The following FGF13 variants were observed in gnomAD, a reference collection of about 807,000 sequenced individuals.
The protein encoded by FGF13 is fibroblast growth factor 13, also known as fibroblast growth factor homologous factor 2.
In FGF13, 2 loss-of-function variants were observed where a neutral mutation model predicts 19.5. The ratio of observed to expected loss-of-function variants is 0.10; its 90% CI spans 0.04 to 0.32. FGF13 has a LOEUF of 0.32. Among genes scored for constraint, FGF13 ranks in the 10% least tolerant of loss-of-function variants. FGF13 has a pLI of 1.00. For synonymous variants in FGF13, 72 were observed against 76.9 expected (o/e 0.94, Z 0.33); for missense variants, 113 against 192.7 (o/e 0.59, Z 2.45).
chrX:138,742,422 T>C (rs2090326002), upstream of FGF13, among the ~76,000 whole-genome samples: 1 of 111,905 alleles, frequency 8.9e-6, no homozygotes, highest in Non-Finnish European at 1.9e-5. Context: ...CCAGATAGTG[T>C]AAATACTGAG....
At position 138,708,495 on chromosome X, in the gene FGF13, C is replaced by T. The variant is rs549223243; in HGVS notation, c.298+323G>A. The stretch of plus-strand genomic sequence containing the variant: ...TAAGAGTAGAGATAACATGCTATTT[C>T]TGGATCAGTGTGTGGGTGAGTAAAT... On this transcript the variant is annotated intron_variant, in intron 2 of 4. Transcript: ENST00000315930. 7.1e-5 allele frequency among the ~76,000 whole-genome samples: 8 copies of T among 111,905 alleles called. No individual in the cohort carries two copies. The South Asian group carries it at 3.0e-3, about 42-fold the overall frequency.
At chrX:138,940,610 T>C (rs1013492493) in intron 1 of FGF13, among the ~76,000 whole-genome samples, 1 of 111,923 alleles carries the variant, frequency 8.9e-6, no homozygotes, top group African/African-American at 3.2e-5. Flanking sequence ...TTTTTGTATA[T>C]GGTGTAAGGA....
At chrX:138,857,552 C>G (rs1280053443) in exon 3 of FGF13, 1 of 1,205,071 alleles carries the variant, frequency 8.3e-7, no homozygotes, top group African/African-American at 1.8e-5. Flanking sequence ...CTTGCTTCAG[C>G]GGGCAGCAGA....
chrX:138,913,460 G>A (rs1180060334), intron 1 of FGF13, among the ~76,000 whole-genome samples: 3 of 109,869 alleles, frequency 2.7e-5, no homozygotes, highest in Non-Finnish European at 3.8e-5. Flanking sequence ...CACCGCACCC[G>A]GCCACATCTA....
intron 3 of FGF13, among the ~76,000 whole-genome samples, chrX:138,805,360 T>G (rs1343783881): frequency 2.7e-5 from 3 of 112,167 alleles, no homozygotes; most frequent in Non-Finnish European, 5.6e-5. Flanking sequence ...TGAAATTAAC[T>G]GAATTGAGAA....
intron 1 of FGF13, among the ~76,000 whole-genome samples, chrX:139,055,866 A>G (rs904597329): frequency 5.3e-5 from 6 of 112,496 alleles, no homozygotes; most frequent in African/African-American, 1.9e-4. Context: ...GCTCTTTTCA[A>G]ACTAATGTCT....
At chrX:138,942,251 AATG>A (rs1442073745) in intron 1 of FGF13, among the ~76,000 whole-genome samples, 3 of 111,490 alleles carry the variant, frequency 2.7e-5, no homozygotes, top group Non-Finnish European at 3.8e-5. Flanking sequence ...ATACATAATA[AATG>A]ACAGAACTTA....
intron 1 of FGF13, among the ~76,000 whole-genome samples, chrX:138,948,387 G>A (rs1250830523): frequency 8.9e-6 from 1 of 112,131 alleles, no homozygotes; most frequent in Non-Finnish European, 1.9e-5. Context: ...AAGAGCACAT[G>A]CTAAATCCCT....
At chrX:138,798,666 T>C in intron 3 of FGF13, among the ~76,000 whole-genome samples, 1 of 112,196 alleles carries the variant, frequency 8.9e-6, no homozygotes, top group Non-Finnish European at 1.9e-5. Flanking sequence ...GTACCTCTGG[T>C]AAAATTCGTC....
intron 1 of FGF13, among the ~76,000 whole-genome samples, chrX:139,038,731 C>G (rs1274791691): frequency 1.8e-5 from 2 of 111,798 alleles, no homozygotes; most frequent in Admixed American, 1.9e-4. Context: ...CCATTATTCT[C>G]TAGAACAGCA....
At chrX:138,876,907 C>T (rs1264772318) in intron 1 of FGF13, among the ~76,000 whole-genome samples, 1 of 112,506 alleles carries the variant, frequency 8.9e-6, no homozygotes, top group Admixed American at 9.4e-5. Context: ...AAGGATACAA[C>T]AAAAGAAAAA....
chrX:138,687,013 A>G (rs1602700470), intron 3 of FGF13, among the ~76,000 whole-genome samples: 1 of 112,433 alleles, frequency 8.9e-6, no homozygotes, highest in Middle Eastern at 4.6e-3. Flanking sequence ...CTCAAAATGT[A>G]TTAAAGATCT....
intron 1 of FGF13, among the ~76,000 whole-genome samples, chrX:138,720,153 G>A (rs1224332363): frequency 1.8e-5 from 2 of 112,471 alleles, no homozygotes; most frequent in Admixed American, 9.4e-5. Flanking sequence ...TCATTGATAT[G>A]TTCTTGAAAA....
At chrX:139,067,786 T>A (rs1470333709) in intron 1 of FGF13, among the ~76,000 whole-genome samples, 5 of 112,277 alleles carry the variant, frequency 4.5e-5, no homozygotes, top group African/African-American at 1.6e-4. Flanking sequence ...AAAACTACTT[T>A]AGAGAAGTGT....
At chrX:139,151,477 C>A (rs1010866277) in intron 1 of FGF13, among the ~76,000 whole-genome samples, 8 of 111,957 alleles carry the variant, frequency 7.1e-5, no homozygotes, top group Admixed American at 2.9e-4. Context: ...TAAAGAAAAA[C>A]TGTTAGCAAG....
intron 1 of FGF13, among the ~76,000 whole-genome samples, chrX:138,951,725 C>A (rs954401097): frequency 9.0e-6 from 1 of 111,484 alleles, no homozygotes; most frequent in African/African-American, 3.3e-5. Context: ...ATTTAAAAAA[C>A]TACATATATC....
At chrX:139,204,174 G>A (rs1211505675), upstream of FGF13, 12 of 1,044,327 alleles carry the variant, frequency 1.1e-5, no homozygotes, top group East Asian at 3.3e-4. Context: ...GTCGGACTTG[G>A]GAGAGTGCTT....
intron 1 of FGF13, among the ~76,000 whole-genome samples, chrX:138,983,783 C>T (rs1020235834): frequency 4.5e-5 from 5 of 110,904 alleles, no homozygotes; most frequent in Admixed American, 9.6e-5. Context: ...AACCAAAATG[C>T]CCATTGATAA....
At chrX:138,872,889 G>A (rs970105993) in intron 1 of FGF13, among the ~76,000 whole-genome samples, 3 of 111,392 alleles carry the variant, frequency 2.7e-5, no homozygotes, top group Non-Finnish European at 5.7e-5. Flanking sequence ...GAGGGCCTTT[G>A]TGACAAGTGA....
Sources: gnomAD v4.1 joint callset for allele counts (sites outside exome capture counted in the v4.1 genomes callset) on GRCh38, gnomAD v4.1.1 for gene constraint, MANE v1.5 for transcripts, NCBI Gene and HGNC (gene_info 2026-07-23, HGNC 2026-07-21) for gene names.